The following INTS6 variants were observed in gnomAD, a reference collection of about 807,000 sequenced individuals.
INTS6 encodes integrator complex subunit 6.
INTS6 carries 16 observed loss-of-function variants against 104.9 expected under a neutral mutation model. That is an observed-to-expected ratio of 0.15 (90% confidence interval 0.10 to 0.23). The LOEUF (loss-of-function observed/expected upper bound fraction) is 0.23. Among genes scored for constraint, INTS6 ranks in the 10% least tolerant of loss-of-function variants. The pLI is 1.00. For synonymous variants in INTS6, 324 were observed against 358.7 expected (o/e 0.90, Z 1.09); for missense variants, 584 against 1,062.8 (o/e 0.55, Z 6.26).
At chr13:51,397,401 A>T (rs1165851873) in intron 4 of INTS6, among the ~76,000 whole-genome samples, 1 of 152,208 alleles carries the variant, frequency 6.6e-6, no homozygotes, top group Non-Finnish European at 1.5e-5. Context: ...TCTGGACAGA[A>T]GTCATGAGTT....
intron 4 of INTS6, among the ~76,000 whole-genome samples, chr13:51,413,196 A>T (rs534566120): frequency 6.6e-6 from 1 of 152,196 alleles, no homozygotes; most frequent in Non-Finnish European, 1.5e-5. Context: ...TACTATAAGA[A>T]AAAAGTTTTT....
intron 2 of INTS6, chr13:51,451,577 C>G (rs1016265668): frequency 6.4e-6 from 1 of 156,074 alleles, no homozygotes; most frequent in Non-Finnish European, 1.4e-5. Flanking sequence ...TCCGGGCCGG[C>G]CGGGCCGATT....
chr13:51,418,117 G>T (rs1345871144), intron 4 of INTS6, among the ~76,000 whole-genome samples: 1 of 152,052 alleles, frequency 6.6e-6, no homozygotes. Flanking sequence ...AAATAATTAA[G>T]CTCAACCTCA....
At chr13:51,399,368 A>C (rs1186711747) in intron 4 of INTS6, among the ~76,000 whole-genome samples, 1 of 152,050 alleles carries the variant, frequency 6.6e-6, no homozygotes, top group Non-Finnish European at 1.5e-5. Flanking sequence ...CACCACACTC[A>C]GCTCACTTTT....
At chr13:51,423,259 A>C (rs2138075119) in intron 4 of INTS6, among the ~76,000 whole-genome samples, 1 of 152,186 alleles carries the variant, frequency 6.6e-6, no homozygotes, top group Non-Finnish European at 1.5e-5. Flanking sequence ...TTTTGCAGCA[A>C]CTGTCTAGAA....
At chr13:51,399,048 A>G (rs1012931572) in intron 4 of INTS6, among the ~76,000 whole-genome samples, 2 of 152,106 alleles carry the variant, frequency 1.3e-5, no homozygotes, top group African/African-American at 4.8e-5. Context: ...CCCCTCCCCA[A>G]CTGACTAGTT....
intron 10 of INTS6, 29 bp from the exon 11 acceptor site, chr13:51,379,601 T>A (rs753517433): frequency 7.9e-7 from 1 of 1,267,248 alleles, no homozygotes; most frequent in South Asian, 1.5e-5. Flanking sequence ...CATCATTCAA[T>A]ATTAAGCTTA....
chr13:51,345,574 A>C, the INTS6 span, among the ~76,000 whole-genome samples: 6 of 147,862 alleles, frequency 4.1e-5, no homozygotes, highest in South Asian at 1.4e-3. Flanking sequence ...CAGCTTGGGC[A>C]ACAGTGAGAT....
intron 4 of INTS6, among the ~76,000 whole-genome samples, chr13:51,406,642 C>G (rs1006935596): frequency 1.3e-5 from 2 of 152,146 alleles, no homozygotes; most frequent in Non-Finnish European, 2.9e-5. Context: ...TCCTCCACCC[C>G]CTACCTCTAA....
chr13:51,344,852 T>C, the INTS6 span, among the ~76,000 whole-genome samples: 8 of 152,130 alleles, frequency 5.3e-5, no homozygotes, highest in African/African-American at 1.9e-4. Context: ...AAACCACCTG[T>C]GATGGCAAAG....
At chr13:51,430,421 G>T in intron 3 of INTS6, 38 bp from the exon 4 acceptor site, 1 of 1,528,242 alleles carries the variant, frequency 6.5e-7, no homozygotes, top group South Asian at 1.2e-5. Flanking sequence ...CAAAGATTTA[G>T]ACTTTGGCTT....
chr13:51,428,013 G>A (rs1385487852), intron 4 of INTS6, among the ~76,000 whole-genome samples: 1 of 152,058 alleles, frequency 6.6e-6, no homozygotes, highest in Non-Finnish European at 1.5e-5. Context: ...GCTAGAAGAG[G>A]TCTCCACAAA....
chr13:51,452,735 C>G lies in INTS6; in HGVS notation c.-210G>C. 1.6e-6 allele frequency: 2 copies of G among 1,249,454 alleles called. No individual in the cohort carries two copies. Among genetic ancestry groups the G allele is most frequent in the Non-Finnish European group, 2.0e-6 (2 of 993,024 alleles). 77.4% of individuals were successfully genotyped at this position (1,249,454 alleles called of 1,614,324 possible). On this transcript the variant is annotated 5_prime_UTR_variant, in exon 1 of 18. Coordinates refer to ENST00000311234, the MANE Select transcript of INTS6 (RefSeq NM_012141.3). This position sits in a 1 kb window ranked among gnomAD's most constrained non-coding sequence, Gnocchi z 4.2. Reference sequence around the variant, plus strand: ...CCCAGACCCAGTGCTCCCCGTCGTACCCCCGCCTCCGCCTCCTCCTGCCTG... The same window carrying G: ...CCCAGACCCAGTGCTCCCCGTCGTAGCCCCGCCTCCGCCTCCTCCTGCCTG...
chr13:51,447,378 C>T (rs114629264), intron 3 of INTS6: 37 of 152,182 alleles, frequency 2.4e-4, no homozygotes, highest in African/African-American at 8.7e-4. Context: ...GTATTATCTC[C>T]TAAGTTTACA....
At chr13:51,391,762 T>C (rs904783626) in intron 5 of INTS6, among the ~76,000 whole-genome samples, 2 of 152,192 alleles carry the variant, frequency 1.3e-5, no homozygotes. Flanking sequence ...CAAATGAACA[T>C]TTCTAAGTTG....
chr13:51,377,170 T>C (rs550388206), intron 12 of INTS6, among the ~76,000 whole-genome samples: 2 of 152,268 alleles, frequency 1.3e-5, no homozygotes, highest in South Asian at 4.1e-4. Context: ...CTTATTTGTA[T>C]TTGCATATTT....
downstream of INTS6, chr13:51,361,415 G>T: frequency 9.1e-7 from 1 of 1,100,098 alleles, no homozygotes; most frequent in Non-Finnish European, 1.4e-6. Flanking sequence ...CTACCTTTCT[G>T]AAATTTACCT....
intron 17 of INTS6, among the ~76,000 whole-genome samples, chr13:51,366,127 A>C (rs1054656476): frequency 2.0e-5 from 3 of 152,124 alleles, no homozygotes; most frequent in South Asian, 2.1e-4. Flanking sequence ...AAACAAAAAA[A>C]CAAAAAACTA....
intron 15 of INTS6, 25 bp downstream of exon 15, chr13:51,374,183 T>C: frequency 1.9e-6 from 3 of 1,568,994 alleles, no homozygotes; most frequent in Non-Finnish European, 1.8e-6. Context: ...CAGCAAATAA[T>C]GTTTAAGAAA....
Sources: allele counts gnomAD v4.1 joint callset (sites outside exome capture counted in the v4.1 genomes callset), GRCh38; gene constraint gnomAD v4.1.1; non-coding constraint Gnocchi (gnomAD v3.1); transcripts MANE v1.5; gene names NCBI Gene and HGNC (gene_info 2026-07-23, HGNC 2026-07-21).